Variants in RTKN2 observed in about 807,000 individuals in gnomAD.
RTKN2 encodes rhotekin 2.
RTKN2 carries 69 observed loss-of-function variants against 71.5 expected under a neutral mutation model. That is an observed-to-expected ratio of 0.96 (90% CI 0.79 to 1.18). The LOEUF (loss-of-function observed/expected upper bound fraction) is 1.18, where lower values mean the gene tolerates loss of function less well. RTKN2 is among the 50% of genes most tolerant of loss of function. RTKN2 has a pLI of 0.00. For missense variants in RTKN2, 724 were observed against 719.7 expected (o/e 1.01, Z -0.07); for synonymous variants, 236 against 236.5 (o/e 1.00, Z 0.02).
In RTKN2 at chr10:62,262,793, A is replaced by C; in HGVS notation, c.89T>G (p.Leu30Ter). 6.2e-7 allele frequency: 1 copy of C among 1,609,458 alleles called. No individual in the cohort carries two copies. The highest frequency in any genetic ancestry group is 1.3e-5 in the African/African-American group (1 of 74,814). ...TATTCCTTCTCGCATTCGAATTTCTAAGTCTATTTTTTCTTGAATGTTGCA... is the reference window on the plus strand; with the variant it reads ...TATTCCTTCTCGCATTCGAATTTCTCAGTCTATTTTTTCTTGAATGTTGCA... The part of the protein sequence containing the change: ...QDCNIQEKID[L>*]EIRMREGIWK... Residue 30 changes from leucine (L) to a stop codon, truncating the protein, a stop_gained, in exon 2 of 12, where the codon TTA becomes TGA. Transcript: ENST00000373789. LOFTEE classifies it high-confidence loss of function.
intron 8 of RTKN2, among the ~76,000 whole-genome samples, chr10:62,187,248 T>C (rs1440722432): frequency 6.6e-6 from 1 of 150,956 alleles, no homozygotes; most frequent in Middle Eastern, 3.2e-3. Context: ...AAGTGACTAT[T>C]TAAGGAACAC....
downstream of RTKN2, among the ~76,000 whole-genome samples, chr10:62,190,081 G>A (rs545145350): frequency 6.2e-4 from 94 of 152,154 alleles, 1 homozygote; most frequent in African/African-American, 2.1e-3. Context: ...ATGCTCAAAT[G>A]TTCCTTCAAC....
Position 62,197,681 on chromosome 10 carries a change from G to C in RTKN2, c.*227C>G. ...CTTCCAACAATTAGGATATTGTCTA[G>C]AAACTGCCTCTTGCACACTGCTGGA... On this transcript the variant is annotated 3_prime_UTR_variant, in exon 12 of 12. Coordinates refer to ENST00000373789, the MANE Select transcript of RTKN2 (RefSeq NM_145307.4). 1.5e-6 allele frequency: 2 copies of C among 1,337,844 alleles called. No individual in the cohort carries two copies. Among genetic ancestry groups the C allele is most frequent in the East Asian group, 5.9e-5 (2 of 33,912 alleles). 82.9% of individuals were successfully genotyped at this position (1,337,844 alleles called of 1,614,324 possible). A position where few individuals can be genotyped will look rare whatever the true frequency, so the allele number is the denominator to read the frequency against.
chr10:62,231,708 A>G (rs1266614785), intron 6 of RTKN2, among the ~76,000 whole-genome samples: 1 of 152,196 alleles, frequency 6.6e-6, no homozygotes, highest in African/African-American at 2.4e-5. Flanking sequence ...AATGGCTTAA[A>G]TGGTAGTCTA....
At chr10:62,267,839 C>G (rs887408042) in intron 1 of RTKN2, among the ~76,000 whole-genome samples, 1 of 151,762 alleles carries the variant, frequency 6.6e-6, no homozygotes, top group Non-Finnish European at 1.5e-5. Context: ...CTTTTAAGAC[C>G]CTAAAGTTAT....
rs537989543 is a variant in RTKN2 at position 62,255,670 on chromosome 10, C to T, written c.257+6955G>A. Among the ~76,000 whole-genome samples, 5 of 152,262 alleles carry T rather than the reference C, an allele frequency of 3.3e-5. No homozygotes were observed. The East Asian group carries it at 7.7e-4, about 23-fold the overall frequency. ...CATTAAGTTAAAGCTCATTGGATAA[C>T]AGAATAGTCACCCAATTCCAACACC... On this transcript the variant is annotated intron_variant, in intron 2 of 11. Transcript: ENST00000373789.
chr10:62,198,698 C>T (rs1841382032), intron 11 of RTKN2, among the ~76,000 whole-genome samples: 1 of 151,932 alleles, frequency 6.6e-6, no homozygotes, highest in Non-Finnish European at 1.5e-5. Context: ...ATATAATTTA[C>T]ATAATACATA....
chr10:62,262,571 T>A (rs1373998197), intron 2 of RTKN2, 54 bp downstream of exon 2: 2 of 1,253,254 alleles, frequency 1.6e-6, no homozygotes, highest in African/African-American at 3.0e-5. Context: ...ATACTGTGTT[T>A]TAAATTTACA....
At chr10:62,242,476 T>C (rs1428344454) in intron 3 of RTKN2, among the ~76,000 whole-genome samples, 1 of 152,172 alleles carries the variant, frequency 6.6e-6, no homozygotes, top group Non-Finnish European at 1.5e-5. Flanking sequence ...GCTATTATAT[T>C]TTCTAATTAG....
Position 62,268,696 on chromosome 10 carries a change from C to A in RTKN2, c.-86G>T. Reference sequence around the variant, plus strand: ...CCCCTGGCAGGAGCCGCAGAGGACGCCAACCGCCCGGCCGTACCAAGTCCC... The same window carrying A: ...CCCCTGGCAGGAGCCGCAGAGGACGACAACCGCCCGGCCGTACCAAGTCCC... On this transcript the variant is annotated 5_prime_UTR_variant, in exon 1 of 12. Coordinates refer to ENST00000373789, the MANE Select transcript of RTKN2 (RefSeq NM_145307.4). 7.2e-7 allele frequency: 1 copy of A among 1,381,976 alleles called. No homozygotes were observed. The allele number at this position is 1,381,976 out of a possible 1,614,324, so 85.6% of individuals were successfully genotyped here. A position where few individuals can be genotyped will look rare whatever the true frequency, so the allele number is the denominator to read the frequency against.
intron 9 of RTKN2, among the ~76,000 whole-genome samples, chr10:62,206,202 C>T (rs374942669): frequency 1.3e-5 from 2 of 152,070 alleles, no homozygotes; most frequent in African/African-American, 2.4e-5. Flanking sequence ...GGCTACTGCA[C>T]TGTACATAGT....
chr10:62,201,988 G>A (rs1291856249), intron 10 of RTKN2, among the ~76,000 whole-genome samples: 1 of 152,068 alleles, frequency 6.6e-6, no homozygotes, highest in African/African-American at 2.4e-5. Context: ...CTGTTATAGT[G>A]TTCCCAGTCA....
At chr10:62,187,784 A>T (rs1361654483) in intron 8 of RTKN2, among the ~76,000 whole-genome samples, 3 of 152,136 alleles carry the variant, frequency 2.0e-5, no homozygotes, top group African/African-American at 7.2e-5. Context: ...CTTCTTCTAG[A>T]TACAATTTAT....
chr10:62,246,337 A>T (rs919381149), intron 2 of RTKN2, among the ~76,000 whole-genome samples: 2 of 152,096 alleles, frequency 1.3e-5, no homozygotes, highest in Non-Finnish European at 2.9e-5. Flanking sequence ...GTGATCATTT[A>T]TATCTGTAAA....
chr10:62,263,943 T>C (rs1287758314), intron 1 of RTKN2, among the ~76,000 whole-genome samples: 3 of 152,156 alleles, frequency 2.0e-5, no homozygotes, highest in South Asian at 2.1e-4. Context: ...GAATGTACAG[T>C]TCTGATTTAA....
intron 5 of RTKN2, chr10:62,239,055 A>G (rs1049108548): frequency 6.6e-6 from 1 of 152,040 alleles, no homozygotes. Context: ...TATTATGACC[A>G]CAATAAAATG....
rs1841376567 is a variant in RTKN2, at chr10:62,198,446, A to G, written c.1295-3T>C. 6.9e-7 allele frequency: 1 copy of G among 1,446,078 alleles called. No individual in the cohort carries two copies. The highest frequency in any genetic ancestry group is 9.3e-7 in the Non-Finnish European group (1 of 1,072,460). The allele number at this position is 1,446,078 out of a possible 1,614,324, so 89.6% of individuals were successfully genotyped here. A position where few individuals can be genotyped will look rare whatever the true frequency, so the allele number is the denominator to read the frequency against. The stretch of plus-strand genomic sequence containing the variant: ...AAGTTTCATAGGTGAATCAATGCCT[A>G]TAATAATTTTAAGAAAAAAAAACAT... On this transcript the variant is annotated splice_polypyrimidine_tract_variant and splice_region_variant and intron_variant, in intron 11 of 11. Transcript: ENST00000373789.
intron 5 of RTKN2, among the ~76,000 whole-genome samples, chr10:62,237,694 CCT>C: frequency 6.6e-6 from 1 of 151,768 alleles, no homozygotes; most frequent in East Asian, 1.9e-4. Flanking sequence ...CACTGTGTCC[CCT>C]GACCCTCCCC....
intron 10 of RTKN2, among the ~76,000 whole-genome samples, chr10:62,202,060 A>T (rs971294222): frequency 1.3e-5 from 2 of 149,108 alleles, no homozygotes; most frequent in South Asian, 2.1e-4. Context: ...AATATTTTTT[A>T]AAAATTTAAT....
Sources: allele counts gnomAD v4.1 joint callset (sites outside exome capture counted in the v4.1 genomes callset), GRCh38; gene constraint gnomAD v4.1.1; transcripts MANE v1.5; gene names NCBI Gene and HGNC (gene_info 2026-07-23, HGNC 2026-07-21).